Variants in DNAJC13 observed in about 807,000 individuals in gnomAD.
The protein encoded by DNAJC13 is dnaJ homolog subfamily C member 13.
In DNAJC13, 75 loss-of-function variants were observed where a neutral mutation model predicts 290.5. That is an observed-to-expected ratio of 0.26 (90% CI 0.21 to 0.31). The LOEUF (loss-of-function observed/expected upper bound fraction) is 0.31, where lower values mean the gene tolerates loss of function less well. DNAJC13 is among the 10% of genes least tolerant of loss of function. The pLI, the probability that DNAJC13 is intolerant of heterozygous loss-of-function variation, is 1.00. For missense variants in DNAJC13, 2,260 were observed against 2,674.5 expected, an observed-to-expected ratio of 0.85 and a Z score of 3.42; for synonymous variants, 862 against 892.0, an observed-to-expected ratio of 0.97 and a Z score of 0.60.
chr3:132,500,570 G>T (rs1431219892), intron 38 of DNAJC13, among the ~76,000 whole-genome samples: 1 of 152,102 alleles, frequency 6.6e-6, no homozygotes, highest in Non-Finnish European at 1.5e-5. Context: ...GGTCAGTTTG[G>T]CCCATGGGTT....
intron 2 of DNAJC13, among the ~76,000 whole-genome samples, chr3:132,435,888 CTG>C (rs1365723508): frequency 1.3e-5 from 2 of 152,144 alleles, no homozygotes; most frequent in African/African-American, 2.4e-5. Context: ...TTGTAAGTAA[CTG>C]TGATCATCAA....
chr3:132,450,631 C>T lies in DNAJC13; in HGVS notation c.337-16C>T, dbSNP rs1933389202. The T allele has an allele frequency of 1.9e-6, 3 of 1,575,502 alleles. No homozygotes were observed. Among genetic ancestry groups the T allele is most frequent in the Admixed American group, 3.4e-5 (2 of 58,270 alleles). On this transcript the variant is annotated splice_polypyrimidine_tract_variant and intron_variant, in intron 5 of 55. Transcript: ENST00000260818. ...TTATTTTATGAACCTAAAAGTAATA[C>T]TGATTCTGTCTTTAGAGATACAACT...
At chr3:132,499,626 A>G (rs921173853) in intron 37 of DNAJC13, 108 bp from the exon 38 acceptor site, 2 of 955,430 alleles carry the variant, frequency 2.1e-6, no homozygotes, top group Non-Finnish European at 3.2e-6. Flanking sequence ...ACATTTATGT[A>G]TCAAATATTT....
At chr3:132,457,690 G>C (rs1933658081) in intron 13 of DNAJC13, 1 of 180,154 alleles carries the variant, frequency 5.6e-6, no homozygotes, top group Admixed American at 6.0e-5. Flanking sequence ...TTGGTGATGA[G>C]GGGAAGATGA....
chr3:132,474,871 T>G, intron 21 of DNAJC13, 61 bp from the exon 22 acceptor site: 1 of 717,140 alleles, frequency 1.4e-6, no homozygotes, highest in Non-Finnish European at 1.9e-6. Context: ...GTAAGGGATA[T>G]TTATAGATTT....
intron 1 of DNAJC13, among the ~76,000 whole-genome samples, chr3:132,419,542 T>G (rs564723664): frequency 6.6e-6 from 1 of 152,372 alleles, no homozygotes; most frequent in South Asian, 2.1e-4. Context: ...AGTCCGGTTC[T>G]CAATAGGTCC....
At chr3:132,427,060 T>C (rs72990484) in intron 1 of DNAJC13, among the ~76,000 whole-genome samples, 1 of 149,080 alleles carries the variant, frequency 6.7e-6, no homozygotes, top group South Asian at 2.1e-4. Context: ...ATTATCTTGG[T>C]GTTTATATAT....
At chr3:132,476,449 G>A (rs1934477503) in intron 22 of DNAJC13, among the ~76,000 whole-genome samples, 1 of 152,130 alleles carries the variant, frequency 6.6e-6, no homozygotes. Context: ...TTGCAACAAT[G>A]TCACTGCTTC....
In DNAJC13 at chr3:132,454,865, A is replaced by G. The variant is rs138359281; in HGVS notation, c.932+708A>G. 5.3e-3 allele frequency among the ~76,000 whole-genome samples: 813 copies of G among 152,284 alleles called. 6 individuals carry two copies. The highest frequency in any genetic ancestry group is 8.0e-3 in the Non-Finnish European group (546 of 68,012). ...ACTCTGTTTGTGAGATGCTTTATGT[A>G]CGTTATCTTGCTTTGTCCTGACAGT... On this transcript the variant is annotated intron_variant, in intron 9 of 55. Transcript: ENST00000260818.
chr3:132,441,152 C>T (rs1357853836), intron 2 of DNAJC13, among the ~76,000 whole-genome samples: 2 of 152,134 alleles, frequency 1.3e-5, no homozygotes, highest in Non-Finnish European at 2.9e-5. Context: ...CTAGGATATT[C>T]AGCCTAGGAA....
chr3:132,439,670 G>T (rs969467499), intron 2 of DNAJC13, among the ~76,000 whole-genome samples: 4 of 152,164 alleles, frequency 2.6e-5, no homozygotes, highest in Admixed American at 1.3e-4. Flanking sequence ...AGCTGGAAAA[G>T]ATACAGACAT....
chr3:132,512,690 T>C (rs1433245351), intron 44 of DNAJC13, among the ~76,000 whole-genome samples: 2 of 152,132 alleles, frequency 1.3e-5, no homozygotes, highest in Non-Finnish European at 2.9e-5. Context: ...GGTCTAGAGG[T>C]AGAGTGAAAT....
intron 5 of DNAJC13, among the ~76,000 whole-genome samples, chr3:132,450,090 A>G (rs919452366): frequency 6.6e-6 from 1 of 152,094 alleles, no homozygotes; most frequent in Non-Finnish European, 1.5e-5. Context: ...ATGATCAAAC[A>G]TCTTGAAGAT....
At chr3:132,474,223 A>AGCC (rs1237720479) in intron 21 of DNAJC13, 1 of 150,358 alleles carries the variant, frequency 6.7e-6, no homozygotes, top group African/African-American at 2.4e-5. Context: ...TGACAAGAGA[A>AGCC]TTGTGGTGTT....
chr3:132,530,934 T>C, intron 54 of DNAJC13, 64 bp from the exon 55 acceptor site: 2 of 1,474,992 alleles, frequency 1.4e-6, no homozygotes, highest in African/African-American at 1.4e-5. Flanking sequence ...AGTTGGTTTT[T>C]CTTTTTGTCT....
intron 51 of DNAJC13, among the ~76,000 whole-genome samples, chr3:132,524,663 T>A (rs967697308): frequency 2.6e-5 from 4 of 152,246 alleles, no homozygotes; most frequent in Non-Finnish European, 4.4e-5. Flanking sequence ...GTCATATTCC[T>A]CCAATAGGAT....
intron 6 of DNAJC13, 66 bp downstream of exon 6, chr3:132,450,913 CT>C: frequency 1.1e-6 from 1 of 923,124 alleles, no homozygotes; most frequent in Non-Finnish European, 1.6e-6. Context: ...GAAAGCAAAG[CT>C]TTTTATACTT....
intron 1 of DNAJC13, among the ~76,000 whole-genome samples, chr3:132,419,357 G>A (rs1213789641): frequency 6.6e-6 from 1 of 151,710 alleles, no homozygotes; most frequent in Non-Finnish European, 1.5e-5. Flanking sequence ...GTTATATATT[G>A]TTAACAAGCT....
Position 132,495,118 on chromosome 3 carries a change from C to T in DNAJC13, c.3972C>T (p.Tyr1324=). ...ATGAGAGCAAGATTAGGAAAGCTTA[C>T]TTCAGACTTGCACAAAAGTACCACC... The part of the protein sequence containing the change: ...PHDESKIRKA[Y]FRLAQKYHPD... Residue 1324 remains tyrosine (Y), a synonymous_variant, in exon 35 of 56, where the codon TAC becomes TAT. Transcript: ENST00000260818. 1 of 1,613,518 alleles carries T rather than the reference C, an allele frequency of 6.2e-7. No individual in the cohort carries two copies.
Sources: gnomAD v4.1 joint callset for allele counts (sites outside exome capture counted in the v4.1 genomes callset) on GRCh38, gnomAD v4.1.1 for gene constraint, MANE v1.5 for transcripts, NCBI Gene and HGNC (gene_info 2026-07-23, HGNC 2026-07-21) for gene names.